The following ATP9A variants were observed in gnomAD, a reference collection of about 807,000 sequenced individuals.
ATP9A encodes the protein probable phospholipid-transporting ATPase IIA.
A neutral mutation model predicts 144.1 loss-of-function variants in ATP9A; 52 were observed. That is an observed-to-expected ratio of 0.36 (90% CI 0.29 to 0.45). ATP9A has a LOEUF of 0.45. ATP9A is among the 20% of genes least tolerant of loss of function. The probability of loss-of-function intolerance (pLI) is 1.00; values close to 1 mark genes in which losing one functional copy is unlikely to be tolerated. For synonymous variants in ATP9A, 582 were observed against 557.4 expected (o/e 1.04, Z -0.62); for missense variants, 947 against 1,392.7 (o/e 0.68, Z 5.09).
chr20:51,721,492 C>A (rs992595763), intron 3 of ATP9A, among the ~76,000 whole-genome samples: 2 of 152,072 alleles, frequency 1.3e-5, no homozygotes, highest in Non-Finnish European at 2.9e-5. Flanking sequence ...CATCGTTCTT[C>A]ACAGAATTAG....
At chr20:51,607,984 T>C (rs990033882) in intron 25 of ATP9A, among the ~76,000 whole-genome samples, 3 of 146,154 alleles carry the variant, frequency 2.1e-5, no homozygotes, top group South Asian at 2.1e-4. Context: ...GTGGATGTTG[T>C]AGTGAGCCGA....
intron 13 of ATP9A, among the ~76,000 whole-genome samples, chr20:51,669,641 C>A (rs560487487): frequency 1.5e-3 from 228 of 152,270 alleles, no homozygotes; most frequent in African/African-American, 4.3e-3. Flanking sequence ...AATTTTCTCA[C>A]AGGTTTTTCC....
chr20:51,676,174 T>C lies in ATP9A; in HGVS notation c.834A>G (p.Arg278=). The stretch of plus-strand genomic sequence containing the variant: ...AGGTATTCATGACACTCCGGAGTTC[T>C]CTGCCAGTGTAAAGAACAACACCCA... ...TVVGVVLYTG[R]ELRSVMNTSN... The change falls in exon 10 of 28, where the codon AGA becomes AGG. Residue 278 remains arginine (R), a synonymous_variant. Transcript: ENST00000338821. 6 of 1,612,360 alleles carry C rather than the reference T, an allele frequency of 3.7e-6. No homozygotes were observed. The highest frequency in any genetic ancestry group is 5.1e-6 in the Non-Finnish European group (6 of 1,179,626).
intron 1 of ATP9A, among the ~76,000 whole-genome samples, chr20:51,767,151 T>A (rs868623218): frequency 6.6e-6 from 1 of 151,274 alleles, no homozygotes; most frequent in South Asian, 2.1e-4. Context: ...GCGTCTCCTG[T>A]TCCGAGCAAC....
intron 12 of ATP9A, among the ~76,000 whole-genome samples, chr20:51,670,623 T>C (rs2077451937): frequency 6.6e-6 from 1 of 152,256 alleles, no homozygotes; most frequent in African/African-American, 2.4e-5. Flanking sequence ...TTCTACCCCA[T>C]GGACATTAAG....
chr20:51,685,022 A>T (rs28442078), intron 9 of ATP9A, among the ~76,000 whole-genome samples: 2 of 147,684 alleles, frequency 1.4e-5, no homozygotes, highest in East Asian at 4.0e-4. Context: ...AAAAATAAAA[A>T]AAAAAAAAAA....
intron 1 of ATP9A, among the ~76,000 whole-genome samples, chr20:51,741,948 C>T (rs983846447): frequency 6.6e-6 from 1 of 152,164 alleles, no homozygotes; most frequent in Non-Finnish European, 1.5e-5. Context: ...GCCACTTGTG[C>T]CCAGTTGAGA....
chr20:51,645,203 C>T (rs2077337261), intron 14 of ATP9A, among the ~76,000 whole-genome samples: 1 of 152,178 alleles, frequency 6.6e-6, no homozygotes, highest in Admixed American at 6.6e-5. Context: ...CTTCCCCACC[C>T]CTGGGATCCA....
At chr20:51,662,996 C>G (rs540213720) in intron 13 of ATP9A, among the ~76,000 whole-genome samples, 34 of 151,536 alleles carry the variant, frequency 2.2e-4, no homozygotes, top group African/African-American at 8.3e-4. Context: ...CTTGAACCCA[C>G]GAGGCAGAGG....
In ATP9A at chr20:51,720,971, G is replaced by A. The variant is rs563867580; in HGVS notation, c.327+4848C>T. Among the ~76,000 whole-genome samples the A allele has an allele frequency of 3.3e-5, 5 of 152,300 alleles. No homozygotes were observed. In the East Asian group the frequency reaches 5.8e-4, roughly 18 times the overall value. ...TGTTATCAGAGGGGAAGGGATGCTTGGATAAAGGGCCTCTCTAGCTCTCAG... is the reference window on the plus strand; with the variant it reads ...TGTTATCAGAGGGGAAGGGATGCTTAGATAAAGGGCCTCTCTAGCTCTCAG... On this transcript the variant is annotated intron_variant, in intron 3 of 27. Transcript: ENST00000338821.
At chr20:51,630,594 C>T (rs2077266222) in intron 15 of ATP9A, among the ~76,000 whole-genome samples, 1 of 152,040 alleles carries the variant, frequency 6.6e-6, no homozygotes, top group Non-Finnish European at 1.5e-5. Flanking sequence ...CCCAGCTACT[C>T]AGGAGGCAAG....
At chr20:51,674,652 C>T (rs1407237762) in intron 10 of ATP9A, among the ~76,000 whole-genome samples, 1 of 152,098 alleles carries the variant, frequency 6.6e-6, no homozygotes, top group Non-Finnish European at 1.5e-5. Context: ...CTGGCTGGGT[C>T]GTGTGCTGAA....
intron 24 of ATP9A, among the ~76,000 whole-genome samples, chr20:51,608,954 T>TGTGTGTGTGTGTGC (rs59577973): frequency 2.7e-5 from 4 of 147,422 alleles, no homozygotes; most frequent in African/African-American, 7.5e-5. Context: ...TGTGTGTGTG[T>TGTGTGTGTGTGTGC]AGGGGGTGAT....
At chr20:51,684,168 G>A (rs1408997006) in intron 9 of ATP9A, among the ~76,000 whole-genome samples, 1 of 152,114 alleles carries the variant, frequency 6.6e-6, no homozygotes, top group Admixed American at 6.6e-5. Context: ...CTGGGTGACA[G>A]ATCAAGACCC....
At chr20:51,604,781 G>T in intron 27 of ATP9A, 36 bp downstream of exon 27, 1 of 1,439,040 alleles carries the variant, frequency 6.9e-7, no homozygotes, top group East Asian at 2.7e-5. Context: ...ATTCACTGGG[G>T]GTGACGGACG....
chr20:51,718,325 T>G (rs1383768531), intron 3 of ATP9A, among the ~76,000 whole-genome samples: 7 of 151,278 alleles, frequency 4.6e-5, no homozygotes, highest in African/African-American at 1.2e-4. Flanking sequence ...AAATGGGATA[T>G]TTTAGGGTAG....
intron 22 of ATP9A, among the ~76,000 whole-genome samples, chr20:51,616,497 T>G (rs1435173298): frequency 1.3e-5 from 2 of 152,106 alleles, no homozygotes; most frequent in African/African-American, 4.8e-5. Flanking sequence ...TTTTGTATTT[T>G]TAGTAGAGAC....
At chr20:51,668,284 G>A (rs1353826516) in intron 13 of ATP9A, among the ~76,000 whole-genome samples, 1 of 151,818 alleles carries the variant, frequency 6.6e-6, no homozygotes, top group Non-Finnish European at 1.5e-5. Context: ...CAGGATGGAG[G>A]GCGTGGTGTG....
Position 51,598,710 on chromosome 20 carries a change from T to C in ATP9A, c.*2501A>G, listed in dbSNP as rs2122697078. 1 of 152,240 alleles carries C rather than the reference T, an allele frequency of 6.6e-6. No homozygotes were observed. The highest frequency in any genetic ancestry group is 2.4e-5 in the African/African-American group (1 of 41,540). The allele number at this position is 152,240 out of a possible 1,614,324, so 9.4% of individuals were successfully genotyped here. A position where few individuals can be genotyped will look rare whatever the true frequency, so the allele number is the denominator to read the frequency against. On this transcript the variant is annotated 3_prime_UTR_variant, in exon 28 of 28. Transcript: ENST00000338821. ...GATTGTGCAGGTAAAGATCGTGTCC[T>C]CTCACCGGACTGCATCCTCCTGCCT...
Sources: allele counts gnomAD v4.1 joint callset (sites outside exome capture counted in the v4.1 genomes callset), GRCh38; gene constraint gnomAD v4.1.1; transcripts MANE v1.5; gene names NCBI Gene and HGNC (gene_info 2026-07-23, HGNC 2026-07-21).